Variants in AKAP19 observed in about 807,000 individuals in gnomAD.
AKAP19 encodes the protein A-kinase anchoring protein 19.
At chr2:189,960,709 T>G in the AKAP19 span, among the ~76,000 whole-genome samples, 1 of 152,172 alleles carries the variant, frequency 6.6e-6, no homozygotes, top group African/African-American at 2.4e-5. Flanking sequence ...TGTACACAGA[T>G]GCAGCCTGCT....
At chr2:190,030,205 G>A in the AKAP19 span, among the ~76,000 whole-genome samples, 11 of 152,032 alleles carry the variant, frequency 7.2e-5, no homozygotes, top group East Asian at 1.2e-3. Flanking sequence ...CCTTGCTCCT[G>A]GTTTTTATAG....
chr2:189,971,365 T>G, the AKAP19 span, among the ~76,000 whole-genome samples: 1 of 152,244 alleles, frequency 6.6e-6, no homozygotes, highest in African/African-American at 2.4e-5. Flanking sequence ...TGCCACATTT[T>G]CTTAATCCAG....
At chr2:190,164,046 A>T in the AKAP19 span, 1 of 152,256 alleles carries the variant, frequency 6.6e-6, no homozygotes. Flanking sequence ...TGGTGGAGAC[A>T]GTTTAGTGAA....
chr2:190,115,288 TATATATATATATA>T, the AKAP19 span, among the ~76,000 whole-genome samples: 14 of 8,614 alleles, frequency 1.6e-3, no homozygotes, highest in African/African-American at 3.3e-3. Flanking sequence ...TATATATATA[TATATATATATATA>T]TTTTTTTTTT....
At chr2:190,183,378 CATT>C in the AKAP19 span, among the ~76,000 whole-genome samples, 3 of 152,106 alleles carry the variant, frequency 2.0e-5, no homozygotes, top group Non-Finnish European at 4.4e-5. Flanking sequence ...TCCATAAGGA[CATT>C]ATGAGAAAAA....
the AKAP19 span, among the ~76,000 whole-genome samples, chr2:189,993,194 A>G: frequency 6.6e-6 from 1 of 152,160 alleles, no homozygotes. Context: ...TATCCCTTCT[A>G]TGCGGATTTT....
the AKAP19 span, among the ~76,000 whole-genome samples, chr2:190,161,963 G>A: frequency 3.3e-5 from 5 of 152,136 alleles, no homozygotes; most frequent in Non-Finnish European, 7.4e-5. Context: ...ATTTTTGGTA[G>A]ACATTTCACC....
chr2:189,939,284 A>G, the AKAP19 span, among the ~76,000 whole-genome samples: 4 of 152,142 alleles, frequency 2.6e-5, no homozygotes, highest in South Asian at 6.2e-4. Context: ...GACTTTCTAC[A>G]CGTTACTGGA....
At chr2:190,179,687 T>C in the AKAP19 span, among the ~76,000 whole-genome samples, 13 of 152,262 alleles carry the variant, frequency 8.5e-5, no homozygotes, top group Admixed American at 8.5e-4. This position sits in a 1 kb window ranked among gnomAD's most constrained non-coding sequence, Gnocchi z 6.0. Context: ...TATTTTTTAC[T>C]ATAATGTACC....
At chr2:190,110,796 T>C in the AKAP19 span, among the ~76,000 whole-genome samples, 1 of 152,188 alleles carries the variant, frequency 6.6e-6, no homozygotes, top group South Asian at 2.1e-4. Flanking sequence ...TAGCTGTTAA[T>C]GTATGCTGGC....
At chr2:189,974,105 T>C in the AKAP19 span, among the ~76,000 whole-genome samples, 7 of 152,204 alleles carry the variant, frequency 4.6e-5, no homozygotes, top group African/African-American at 1.7e-4. Flanking sequence ...CTGCTTTCTC[T>C]TGTGGGCATT....
the AKAP19 span, among the ~76,000 whole-genome samples, chr2:189,985,245 T>A: frequency 6.6e-6 from 1 of 152,238 alleles, no homozygotes; most frequent in African/African-American, 2.4e-5. Flanking sequence ...TCCCTCAGTT[T>A]TCCATACAGA....
the AKAP19 span, among the ~76,000 whole-genome samples, chr2:190,194,924 T>G: frequency 3.9e-5 from 6 of 152,166 alleles, no homozygotes; most frequent in African/African-American, 1.4e-4. Flanking sequence ...GCAATCAATC[T>G]TAACTTACCA....
chr2:190,167,861 C>T, the AKAP19 span, among the ~76,000 whole-genome samples: 40 of 152,316 alleles, frequency 2.6e-4, no homozygotes, highest in African/African-American at 9.6e-4. Context: ...CATGGGCTGG[C>T]GTTCAGTGTA....
chr2:190,126,985 G>A, the AKAP19 span, among the ~76,000 whole-genome samples: 19 of 152,064 alleles, frequency 1.2e-4, 1 homozygote, highest in Admixed American at 8.5e-4. Flanking sequence ...CACATCTTCA[G>A]CATATTTCAG....
chr2:190,079,982 C>G, the AKAP19 span: 1 of 151,696 alleles, frequency 6.6e-6, no homozygotes, highest in Non-Finnish European at 1.5e-5. Flanking sequence ...TGTTGGTGAC[C>G]AGGTGAAATA....
chr2:190,131,554 G>A, the AKAP19 span, among the ~76,000 whole-genome samples: 44 of 152,164 alleles, frequency 2.9e-4, no homozygotes, highest in Non-Finnish European at 1.2e-4. Context: ...AATGAGTAGA[G>A]GTAAATAAAG....
chr2:190,106,938 C>T, the AKAP19 span, among the ~76,000 whole-genome samples: 11 of 152,296 alleles, frequency 7.2e-5, no homozygotes, highest in African/African-American at 2.4e-4. Context: ...TGAGGAGATT[C>T]TATTCCTAGA....
chr2:189,928,134 C>T, the AKAP19 span, among the ~76,000 whole-genome samples: 1 of 152,084 alleles, frequency 6.6e-6, no homozygotes, highest in Non-Finnish European at 1.5e-5. Flanking sequence ...GAGTTACAGG[C>T]CTGTTATTTT....
Sources: gnomAD v4.1 joint callset for allele counts (sites outside exome capture counted in the v4.1 genomes callset) on GRCh38, gnomAD v4.1.1 for gene constraint, Gnocchi (gnomAD v3.1) non-coding constraint, MANE v1.5 for transcripts, NCBI Gene and HGNC (gene_info 2026-07-23, HGNC 2026-07-21) for gene names.